SHC3: variants seen among roughly 807,000 people sequenced by gnomAD.
SHC3 encodes the protein SHC-transforming protein 3.
SHC3 carries 15 observed loss-of-function variants against 60.4 expected under a neutral mutation model. The ratio of observed to expected loss-of-function variants is 0.25; its 90% confidence interval spans 0.17 to 0.38. The LOEUF (loss-of-function observed/expected upper bound fraction) is 0.38, where lower values mean the gene tolerates loss of function less well. Among genes scored for constraint, SHC3 ranks in the 10% least tolerant of loss-of-function variants. The pLI, the probability that SHC3 is intolerant of heterozygous loss-of-function variation, is 1.00. For synonymous variants in SHC3, 294 were observed against 325.9 expected (o/e 0.90, Z 1.05); for missense variants, 677 against 786.1 (o/e 0.86, Z 1.66).
intron 2 of SHC3, among the ~76,000 whole-genome samples, chr9:89,085,756 ATTGGC>A (rs1564130952): frequency 6.6e-6 from 1 of 152,194 alleles, no homozygotes; most frequent in Non-Finnish European, 1.5e-5. Flanking sequence ...AAAGACACAC[ATTGGC>A]TCTCCAAAAT....
At chr9:89,162,781 G>T (rs1826728750) in intron 1 of SHC3, among the ~76,000 whole-genome samples, 1 of 149,022 alleles carries the variant, frequency 6.7e-6, no homozygotes, top group Admixed American at 6.7e-5. Context: ...CACAGCAAAA[G>T]AAACTACCAT....
At chr9:89,151,296 C>A (rs1826542737) in intron 1 of SHC3, among the ~76,000 whole-genome samples, 1 of 151,990 alleles carries the variant, frequency 6.6e-6, no homozygotes, top group South Asian at 2.1e-4. Context: ...TGTTAGTGTC[C>A]CCCCAAAATT....
chr9:89,134,250 A>C (rs564334913), intron 1 of SHC3, among the ~76,000 whole-genome samples: 3 of 152,278 alleles, frequency 2.0e-5, no homozygotes, highest in African/African-American at 7.2e-5. Context: ...CTGTGTTTAA[A>C]GGGTAAAAGG....
At chr9:89,030,462 C>T (rs76573503) in intron 11 of SHC3, among the ~76,000 whole-genome samples, 3,778 of 152,162 alleles carry the variant, frequency 0.025, 82 homozygotes, top group Non-Finnish European at 0.036. Flanking sequence ...TGGACAAATT[C>T]CTAGAAAGAC....
intron 1 of SHC3, among the ~76,000 whole-genome samples, chr9:89,174,450 C>T (rs1337105646): frequency 3.3e-5 from 5 of 152,188 alleles, no homozygotes; most frequent in Non-Finnish European, 7.3e-5. Flanking sequence ...ACTCCACAAG[C>T]TGAAACCTAT....
In SHC3 at chr9:89,144,298, T is replaced by C. The variant is rs552407898; in HGVS notation, c.475-31672A>G. On this transcript the variant is annotated intron_variant, in intron 1 of 11. Transcript: ENST00000375835. ...TTTCCAACAGGAATGTATTCATGTG[T>C]TACTTATGCAATTAGAAAGAACAAG... is the stretch of plus-strand genomic sequence containing the variant. Among the ~76,000 whole-genome samples the C allele has an allele frequency of 8.5e-5, 13 of 152,340 alleles. No individual in the cohort carries two copies. The South Asian group carries it at 1.0e-3, about 12-fold the overall frequency.
At chr9:89,119,545 G>A (rs994593604) in intron 1 of SHC3, among the ~76,000 whole-genome samples, 4 of 151,930 alleles carry the variant, frequency 2.6e-5, no homozygotes, top group South Asian at 2.1e-4. Context: ...TAGCAAGAAC[G>A]AAAAAACATA....
chr9:89,043,551 T>A (rs537172628), intron 9 of SHC3, among the ~76,000 whole-genome samples: 4 of 152,330 alleles, frequency 2.6e-5, no homozygotes, highest in Non-Finnish European at 5.9e-5. Context: ...GGAGGACACG[T>A]GCCATCGTGA....
At chr9:89,131,814 C>A (rs1826249389) in intron 1 of SHC3, among the ~76,000 whole-genome samples, 1 of 152,094 alleles carries the variant, frequency 6.6e-6, no homozygotes, top group African/African-American at 2.4e-5. Context: ...ACTGAATAGG[C>A]AAAAACTGGA....
chr9:89,030,391 T>C (rs1337003657), intron 11 of SHC3, among the ~76,000 whole-genome samples: 1 of 152,194 alleles, frequency 6.6e-6, no homozygotes, highest in African/African-American at 2.4e-5. Context: ...TAGATATCTA[T>C]AAAGAACTCC....
intron 2 of SHC3, among the ~76,000 whole-genome samples, chr9:89,105,312 C>T (rs1211314102): frequency 6.6e-6 from 1 of 152,180 alleles, no homozygotes; most frequent in Non-Finnish European, 1.5e-5. Flanking sequence ...CTTGACTTTG[C>T]CCTTTCCTAG....
intron 11 of SHC3, among the ~76,000 whole-genome samples, chr9:89,027,327 A>ATTTTTTTTCTT (rs1826329295): frequency 7.7e-6 from 1 of 130,350 alleles, no homozygotes; most frequent in Non-Finnish European, 1.6e-5. Context: ...TGAAATTCTG[A>ATTTTTTTTCTT]TTTTTTTTTT....
chr9:89,056,815 A>G (rs970268243), intron 6 of SHC3, among the ~76,000 whole-genome samples: 7 of 152,248 alleles, frequency 4.6e-5, no homozygotes, highest in African/African-American at 1.4e-4. Context: ...CTGTTTGCAC[A>G]CTTCTGGCAT....
chr9:89,056,679 G>A (rs1175583921), intron 6 of SHC3, among the ~76,000 whole-genome samples: 1 of 152,246 alleles, frequency 6.6e-6, no homozygotes, highest in African/African-American at 2.4e-5. Flanking sequence ...ACATGGGCTG[G>A]CAGCAGAGAG....
chr9:89,102,306 T>G (rs181432850), intron 2 of SHC3, among the ~76,000 whole-genome samples: 280 of 152,292 alleles, frequency 1.8e-3, no homozygotes, highest in Middle Eastern at 0.017. Context: ...TTTTTCAGAT[T>G]CCAAATTTAT....
At chr9:89,053,970 GA>G (rs1428825909) in intron 6 of SHC3, among the ~76,000 whole-genome samples, 1 of 152,222 alleles carries the variant, frequency 6.6e-6, no homozygotes, top group Admixed American at 6.5e-5. Flanking sequence ...CAGCCAACAG[GA>G]CTGGTTGGTC....
rs1826037912 is a variant in SHC3, at chr9:89,013,289, A to C, written c.*158T>G. ...ATATGCATATGAGAAATTCAGAACCAAGTTTATGAAACTTGACCTTAAAGG... is the reference window on the plus strand; with the variant it reads ...ATATGCATATGAGAAATTCAGAACCCAGTTTATGAAACTTGACCTTAAAGG... On this transcript the variant is annotated 3_prime_UTR_variant, in exon 12 of 12. Coordinates refer to ENST00000375835, the MANE Select transcript of SHC3 (RefSeq NM_016848.6). 1 of 853,360 alleles carries C rather than the reference A, an allele frequency of 1.2e-6. No homozygotes were observed. 52.9% of individuals were successfully genotyped at this position (853,360 alleles called of 1,614,324 possible).
At chr9:89,145,612 CAGG>C (rs1263965009) in intron 1 of SHC3, among the ~76,000 whole-genome samples, 1 of 152,190 alleles carries the variant, frequency 6.6e-6, no homozygotes, top group African/African-American at 2.4e-5. Context: ...TAAGAATACA[CAGG>C]AGGAGTAATA....
At chr9:89,096,686 G>A (rs1331223594) in intron 2 of SHC3, among the ~76,000 whole-genome samples, 1 of 152,182 alleles carries the variant, frequency 6.6e-6, no homozygotes, top group East Asian at 1.9e-4. Flanking sequence ...GTAGGTTAGC[G>A]TAGCGCAGCT....
Sources: gnomAD v4.1 joint callset for allele counts (sites outside exome capture counted in the v4.1 genomes callset) on GRCh38, gnomAD v4.1.1 for gene constraint, MANE v1.5 for transcripts, NCBI Gene and HGNC (gene_info 2026-07-23, HGNC 2026-07-21) for gene names.